The following BMP5 variants were observed in gnomAD, a reference collection of about 807,000 sequenced individuals.
BMP5 encodes the protein bone morphogenetic protein 5.
Under a neutral mutation model 46.6 loss-of-function variants are expected in BMP5, and 23 were observed. The observed-to-expected ratio is 0.49, with a 90% CI of 0.35 to 0.70. BMP5 has a LOEUF of 0.70. Among genes scored for constraint, BMP5 ranks in the 30% least tolerant of loss-of-function variants. The pLI, the probability that BMP5 is intolerant of heterozygous loss-of-function variation, is 0.00. For synonymous variants in BMP5, 204 were observed against 191.9 expected (o/e 1.06, Z -0.52); for missense variants, 545 against 565.6 (o/e 0.96, Z 0.37).
intron 5 of BMP5, 56 bp from the exon 6 acceptor site, chr6:55,759,171 A>AAAAAAAAAAAAAAAAAAAAAAC: frequency 1.2e-6 from 1 of 829,906 alleles, no homozygotes; most frequent in Non-Finnish European, 1.8e-6. Flanking sequence ...AAAAAAAAAA[A>AAAAAAAAAAAAAAAAAAAAAAC]AAAAAAAAAA....
rs772396501 is a variant in BMP5, at chr6:55,874,477, GA to G, written c.388del (p.Ser130LeufsTer6). 2 of 1,613,302 alleles carry G rather than the reference GA, an allele frequency of 1.2e-6. No individual in the cohort carries two copies. The highest frequency in any genetic ancestry group is 2.7e-5 in the African/African-American group (2 of 74,844). On this transcript the variant is annotated frameshift_variant, in exon 1 of 7. Transcript: ENST00000370830. LOFTEE classifies it high-confidence loss of function. Reference sequence around the variant, plus strand: ...CTGGGTGGTCAGAGGAGTCGTCCGAGATAACTGTATGCGACGAGGATACCCA... The same window carrying G: ...CTGGGTGGTCAGAGGAGTCGTCCGAGTAACTGTATGCGACGAGGATACCCA... ...PNGYPRRIQL[S>X]RTTPLTTQSP...
intron 3 of BMP5, among the ~76,000 whole-genome samples, chr6:55,782,302 T>C (rs1775338696): frequency 6.6e-6 from 1 of 152,172 alleles, no homozygotes; most frequent in Non-Finnish European, 1.5e-5. Context: ...TGTGGAGTTT[T>C]AGTATTTGGG....
At chr6:55,861,080 A>G (rs1777517585) in intron 1 of BMP5, among the ~76,000 whole-genome samples, 1 of 152,222 alleles carries the variant, frequency 6.6e-6, no homozygotes, top group South Asian at 2.1e-4. Flanking sequence ...AATATTATCT[A>G]GAACACAGAG....
chr6:55,784,949 T>G (rs1480886127), intron 3 of BMP5, among the ~76,000 whole-genome samples: 1 of 151,814 alleles, frequency 6.6e-6, no homozygotes, highest in Non-Finnish European at 1.5e-5. Flanking sequence ...CTACATTTAC[T>G]CGTGTACAAA....
At chr6:55,801,413 G>A (rs1775847030) in intron 2 of BMP5, among the ~76,000 whole-genome samples, 1 of 152,230 alleles carries the variant, frequency 6.6e-6, no homozygotes, top group East Asian at 1.9e-4. Flanking sequence ...CGGCTAGAAA[G>A]TCAACTGCAT....
chr6:55,841,945 T>TGAGAGA (rs1334004478), intron 1 of BMP5, among the ~76,000 whole-genome samples: 2 of 108,704 alleles, frequency 1.8e-5, no homozygotes, highest in Non-Finnish European at 3.8e-5. Context: ...AGAGAGAGAT[T>TGAGAGA]TTTCTATCCT....
chr6:55,812,769 G>T (rs1346643471), intron 2 of BMP5, among the ~76,000 whole-genome samples: 1 of 152,202 alleles, frequency 6.6e-6, no homozygotes, highest in East Asian at 1.9e-4. Flanking sequence ...TTCCACTTTA[G>T]TTCTTTAAGA....
intron 3 of BMP5, among the ~76,000 whole-genome samples, chr6:55,779,010 C>G (rs902420685): frequency 6.6e-6 from 1 of 152,042 alleles, no homozygotes; most frequent in Non-Finnish European, 1.5e-5. Context: ...CCCAGACTCA[C>G]CGGTTTTGTA....
intron 1 of BMP5, among the ~76,000 whole-genome samples, chr6:55,853,113 A>C (rs1777286554): frequency 6.6e-6 from 1 of 151,056 alleles, no homozygotes; most frequent in Non-Finnish European, 1.5e-5. Flanking sequence ...CCTGGGTTAC[A>C]GAGGAAGACT....
intron 3 of BMP5, among the ~76,000 whole-genome samples, chr6:55,789,889 A>G (rs1775535808): frequency 6.6e-6 from 1 of 152,178 alleles, no homozygotes; most frequent in Non-Finnish European, 1.5e-5. Flanking sequence ...AAAAAATAAT[A>G]AAATATTCTT....
rs1582139188 is a variant in BMP5 at position 55,875,543 on chromosome 6, C to T, written c.-678G>A. ...CTCCTTCTTACTGTTAATTCCACCT[C>T]CAGCAGGCACAAATATACCAGCCCT... is the stretch of plus-strand genomic sequence containing the variant. On this transcript the variant is annotated 5_prime_UTR_variant, in exon 1 of 7. Coordinates refer to ENST00000370830, the MANE Select transcript of BMP5 (RefSeq NM_021073.4). 6.5e-6 allele frequency: 1 copy of T among 152,798 alleles called. No homozygotes were observed. The highest frequency in any genetic ancestry group is 1.9e-4 in the East Asian group (1 of 5,198). The allele number at this position is 152,798 out of a possible 1,614,324, so 9.5% of individuals were successfully genotyped here.
chr6:55,819,162 C>A (rs1776349483), intron 2 of BMP5, among the ~76,000 whole-genome samples: 1 of 152,148 alleles, frequency 6.6e-6, no homozygotes, highest in African/African-American at 2.4e-5. Flanking sequence ...GTATTTCAGA[C>A]TATCTGTCCA....
intron 1 of BMP5, among the ~76,000 whole-genome samples, chr6:55,841,015 C>G (rs1582109896): frequency 6.6e-6 from 1 of 152,282 alleles, no homozygotes; most frequent in East Asian, 1.9e-4. Context: ...TGCCTCCTGT[C>G]AAACCAGCAG....
chr6:55,821,965 A>C (rs1776419610), intron 1 of BMP5, among the ~76,000 whole-genome samples: 1 of 152,198 alleles, frequency 6.6e-6, no homozygotes, highest in Admixed American at 6.6e-5. Context: ...ACATCATGTG[A>C]CCATATCTAA....
intron 3 of BMP5, among the ~76,000 whole-genome samples, chr6:55,792,377 CA>C (rs544049166): frequency 9.2e-5 from 14 of 151,698 alleles, no homozygotes; most frequent in Non-Finnish European, 1.5e-4. Flanking sequence ...ACTAAAAATA[CA>C]AAAAAATTAG....
At position 55,774,253 on chromosome 6, in the gene BMP5, A is replaced by G. The variant is rs777169320; in HGVS notation, c.833-10T>C. On this transcript the variant is annotated splice_polypyrimidine_tract_variant and intron_variant, in intron 3 of 6. Coordinates refer to ENST00000370830, the MANE Select transcript of BMP5 (RefSeq NM_021073.4). ...ACGTTGATACTGCGTCCTAGAACGT[A>G]ATACAAAAGCACTTGGTTTATGAAA... The G allele has an allele frequency of 6.2e-7, 1 of 1,611,126 alleles. No individual in the cohort carries two copies. Among genetic ancestry groups the G allele is most frequent in the East Asian group, 2.2e-5 (1 of 44,828 alleles).
chr6:55,836,571 T>C (rs1383693335), intron 1 of BMP5, among the ~76,000 whole-genome samples: 1 of 151,730 alleles, frequency 6.6e-6, no homozygotes, highest in Non-Finnish European at 1.5e-5. Context: ...ATATCTGGGC[T>C]GTAAAGATCT....
intron 3 of BMP5, among the ~76,000 whole-genome samples, chr6:55,788,880 A>T (rs1432062920): frequency 6.6e-6 from 1 of 151,848 alleles, no homozygotes; most frequent in Non-Finnish European, 1.5e-5. Flanking sequence ...TACTGTAAGC[A>T]ATGTTTCTTT....
chr6:55,789,300 C>T (rs1372639574), intron 3 of BMP5, among the ~76,000 whole-genome samples: 2 of 151,826 alleles, frequency 1.3e-5, no homozygotes, highest in African/African-American at 4.8e-5. Context: ...TTTTAAAAGA[C>T]ATTCTAATGA....
Sources: gnomAD v4.1 joint callset for allele counts (sites outside exome capture counted in the v4.1 genomes callset) on GRCh38, gnomAD v4.1.1 for gene constraint, MANE v1.5 for transcripts, NCBI Gene and HGNC (gene_info 2026-07-23, HGNC 2026-07-21) for gene names.